GPC6: variants seen among roughly 807,000 people sequenced by gnomAD.
GPC6 encodes the protein glypican-6.
Under a neutral mutation model 55.2 loss-of-function variants are expected in GPC6, and 14 were observed. That is an observed-to-expected ratio of 0.25 (90% confidence interval 0.17 to 0.40). GPC6 has a LOEUF of 0.40. Ranked by LOEUF, GPC6 falls within the 10% of genes least tolerant of loss-of-function variation. GPC6 has a pLI of 1.00. For synonymous variants in GPC6, 278 were observed against 259.6 expected, an observed-to-expected ratio of 1.07 and a Z score of -0.68; for missense variants, 641 against 708.5, an observed-to-expected ratio of 0.90 and a Z score of 1.08.
At chr13:93,995,535 A>G (rs1289906861) in intron 3 of GPC6, among the ~76,000 whole-genome samples, 1 of 152,152 alleles carries the variant, frequency 6.6e-6, no homozygotes, top group African/African-American at 2.4e-5. Flanking sequence ...CTGTTGCCTC[A>G]GATCATCTGA....
At chr13:94,379,070 A>T (rs1390978612) in intron 6 of GPC6, among the ~76,000 whole-genome samples, 1 of 152,196 alleles carries the variant, frequency 6.6e-6, no homozygotes, top group Non-Finnish European at 1.5e-5. Context: ...CAAAAAAACA[A>T]AAAAACAAAA....
intron 3 of GPC6, among the ~76,000 whole-genome samples, chr13:93,876,875 A>G (rs367578217): frequency 7.9e-5 from 12 of 152,072 alleles, no homozygotes; most frequent in Admixed American, 2.0e-4. Context: ...TATGTTGCAC[A>G]GGCATGTAAG....
chr13:93,628,945 G>A (rs1295445221), intron 2 of GPC6, among the ~76,000 whole-genome samples: 3 of 150,562 alleles, frequency 2.0e-5, no homozygotes, highest in Non-Finnish European at 3.0e-5. Flanking sequence ...GACTAAATAA[G>A]TTAGACCCAA....
intron 2 of GPC6, among the ~76,000 whole-genome samples, chr13:93,743,813 A>G (rs948878913): frequency 3.3e-5 from 5 of 152,180 alleles, no homozygotes; most frequent in Admixed American, 1.3e-4. Context: ...AATATTTAAT[A>G]TCCCTTGCTT....
intron 1 of GPC6, among the ~76,000 whole-genome samples, chr13:93,242,906 A>T (rs1023860238): frequency 3.9e-5 from 6 of 152,118 alleles, no homozygotes; most frequent in African/African-American, 1.4e-4. Context: ...AGGCATGTCT[A>T]CAAGGGATCC....
chr13:93,333,209 T>G (rs922173718), intron 1 of GPC6, among the ~76,000 whole-genome samples: 2 of 150,418 alleles, frequency 1.3e-5, no homozygotes, highest in African/African-American at 4.9e-5. Flanking sequence ...ATTTTAGGAC[T>G]TTTTTTCTGT....
At chr13:93,985,039 C>A (rs1880961845) in intron 3 of GPC6, among the ~76,000 whole-genome samples, 1 of 152,108 alleles carries the variant, frequency 6.6e-6, no homozygotes, top group African/African-American at 2.4e-5. Flanking sequence ...TCAGTGTAAC[C>A]CAGGCTCTTT....
At chr13:93,840,045 C>T (rs1887891469) in intron 3 of GPC6, among the ~76,000 whole-genome samples, 1 of 152,020 alleles carries the variant, frequency 6.6e-6, no homozygotes, top group African/African-American at 2.4e-5. Context: ...AGGATTGGTG[C>T]CAATTCTTCT....
intron 6 of GPC6, among the ~76,000 whole-genome samples, chr13:94,307,659 G>A (rs1876021445): frequency 1.3e-5 from 2 of 152,166 alleles, no homozygotes; most frequent in Admixed American, 6.6e-5. Flanking sequence ...TTTAAAAATA[G>A]TCACCATTTT....
intron 2 of GPC6, among the ~76,000 whole-genome samples, chr13:93,696,186 A>G (rs894434426): frequency 6.6e-6 from 1 of 152,192 alleles, no homozygotes; most frequent in African/African-American, 2.4e-5. Context: ...TATGATTTCT[A>G]ATACGGCTTT....
At chr13:93,453,442 T>A (rs552453772) in intron 1 of GPC6, among the ~76,000 whole-genome samples, 1 of 152,012 alleles carries the variant, frequency 6.6e-6, no homozygotes, top group Non-Finnish European at 1.5e-5. Flanking sequence ...CAAGTTGAAG[T>A]TGAGTTTATG....
intron 1 of GPC6, among the ~76,000 whole-genome samples, chr13:93,315,030 G>T (rs2139114461): frequency 6.6e-6 from 1 of 152,140 alleles, no homozygotes; most frequent in Non-Finnish European, 1.5e-5. Context: ...ACAGTACATT[G>T]TTGGTTTGAA....
At chr13:94,309,037 G>A (rs1360369490) in intron 6 of GPC6, among the ~76,000 whole-genome samples, 1 of 152,170 alleles carries the variant, frequency 6.6e-6, no homozygotes, top group South Asian at 2.1e-4. Context: ...AGCCTATTTA[G>A]GCTGTTTATA....
chr13:94,332,310 G>C (rs1326639466), intron 6 of GPC6, among the ~76,000 whole-genome samples: 3 of 152,116 alleles, frequency 2.0e-5, no homozygotes. Context: ...GTAGTAATTA[G>C]CCATCACCTA....
At chr13:93,331,070 G>A (rs1879825881) in intron 1 of GPC6, among the ~76,000 whole-genome samples, 1 of 151,966 alleles carries the variant, frequency 6.6e-6, no homozygotes, top group Non-Finnish European at 1.5e-5. Flanking sequence ...GGTCTTTGGG[G>A]GCTCTATTTG....
intron 1 of GPC6, among the ~76,000 whole-genome samples, chr13:93,364,095 C>G (rs1472006889): frequency 6.6e-6 from 1 of 152,150 alleles, no homozygotes; most frequent in Non-Finnish European, 1.5e-5. Flanking sequence ...TGCCTGTTCA[C>G]TCTGATGGTA....
rs1339971961 is a variant in GPC6, at chr13:94,306,038, C to A, written c.1067C>A (p.Ala356Asp). 2 of 1,614,100 alleles carry A rather than the reference C, an allele frequency of 1.2e-6. No individual in the cohort carries two copies. Among genetic ancestry groups the A allele is most frequent in the Non-Finnish European group, 1.7e-6 (2 of 1,179,936 alleles). ...CCAGCCCTCAGATCTGCCCGCTCAG[C>A]TCCTGAAAATTTTAATACACGTTTC... is the stretch of plus-strand genomic sequence containing the variant. Reference protein sequence around the residue: ...PAPALRSARSAPENFNTRFRP... With the variant: ...PAPALRSARSDPENFNTRFRP... Residue 356 changes from alanine (A) to aspartate (D), a missense_variant, in exon 6 of 9, where the codon GCT (alanine) becomes GAT (aspartate). Transcript: ENST00000377047.
At chr13:94,246,911 C>T (rs1260054422) in intron 4 of GPC6, among the ~76,000 whole-genome samples, 1 of 151,826 alleles carries the variant, frequency 6.6e-6, no homozygotes, top group East Asian at 1.9e-4. Context: ...TGAAGAGTGT[C>T]ATTGGGATTT....
At chr13:93,930,458 T>G (rs866579746) in intron 3 of GPC6, among the ~76,000 whole-genome samples, 4 of 151,728 alleles carry the variant, frequency 2.6e-5, no homozygotes, top group Admixed American at 6.6e-5. Flanking sequence ...TTTTTATTTT[T>G]GGGGGTTTCA....
Sources: gnomAD v4.1 joint callset for allele counts (sites outside exome capture counted in the v4.1 genomes callset) on GRCh38, gnomAD v4.1.1 for gene constraint, MANE v1.5 for transcripts, NCBI Gene and HGNC (gene_info 2026-07-23, HGNC 2026-07-21) for gene names.